Variants in NAP1L1 observed in about 807,000 individuals in gnomAD.
NAP1L1 encodes nucleosome assembly protein 1-like 1.
NAP1L1 carries 9 observed loss-of-function variants against 58.9 expected under a neutral mutation model. The ratio of observed to expected loss-of-function variants is 0.15; its 90% CI spans 0.09 to 0.27. The LOEUF is 0.27. NAP1L1 is among the 10% of genes least tolerant of loss of function. The pLI is 1.00. For synonymous variants in NAP1L1, 130 were observed against 138.3 expected, an observed-to-expected ratio of 0.94 and a Z score of 0.42; for missense variants, 302 against 458.8, an observed-to-expected ratio of 0.66 and a Z score of 3.12.
At chr12:76,054,000 T>C (rs1948958339) in intron 8 of NAP1L1, 91 bp from the exon 9 acceptor site, 2 of 1,290,462 alleles carry the variant, frequency 1.5e-6, no homozygotes, top group Non-Finnish European at 1.0e-6. Context: ...TTTATAAATA[T>C]TCTAAATGAT....
At chr12:76,078,442 C>T (rs906060491) in intron 1 of NAP1L1, among the ~76,000 whole-genome samples, 10 of 152,074 alleles carry the variant, frequency 6.6e-5, no homozygotes, top group Admixed American at 3.9e-4. Flanking sequence ...AAAATTCATA[C>T]AAGTAATTTT....
chr12:76,053,326 T>C lies in NAP1L1; in HGVS notation c.795A>G (p.Gly265=). 1 of 1,613,856 alleles carries C rather than the reference T, an allele frequency of 6.2e-7. No individual in the cohort carries two copies. Among genetic ancestry groups the C allele is most frequent in the East Asian group, 2.2e-5 (1 of 44,844 alleles). Residue 265 remains glycine, a synonymous_variant, in exon 10 of 15, where the codon GGA becomes GGG. Coordinates refer to ENST00000618691, the MANE Select transcript of NAP1L1 (RefSeq NM_004537.7). ...CTGCQIDWKK[G]KNVTLKTIKK... ...TAATAGTTTTCAAAGTGACATTCTTTCCTTTTTTCCAATCTATCTGGCACC... is the reference window on the plus strand; with the variant it reads ...TAATAGTTTTCAAAGTGACATTCTTCCCTTTTTTCCAATCTATCTGGCACC...
chr12:76,063,586 T>C (rs1157535521), intron 4 of NAP1L1, among the ~76,000 whole-genome samples: 1 of 152,090 alleles, frequency 6.6e-6, no homozygotes, highest in African/African-American at 2.4e-5. Context: ...TCACTTTAAC[T>C]CGGGAGTTCG....
chr12:76,056,765 C>T (rs1949116907), intron 6 of NAP1L1: 3 of 393,012 alleles, frequency 7.6e-6, no homozygotes, highest in South Asian at 5.7e-5. Flanking sequence ...GTAATCCCAG[C>T]ACTTTGGGAA....
At chr12:76,050,432 T>C in intron 12 of NAP1L1, 99 bp downstream of exon 12, 1 of 1,407,662 alleles carries the variant, frequency 7.1e-7, no homozygotes, top group African/African-American at 1.4e-5. Context: ...TTTTGAATTA[T>C]ATTATGTCCT....
intron 11 of NAP1L1, 32 bp from the exon 12 acceptor site, chr12:76,050,685 T>C (rs1023426701): frequency 6.3e-7 from 1 of 1,590,180 alleles, no homozygotes; most frequent in African/African-American, 1.4e-5. Context: ...AGCAGAAAAT[T>C]TAGGAATAAC....
intron 1 of NAP1L1, among the ~76,000 whole-genome samples, chr12:76,084,322 G>A (rs1255618492): frequency 1.3e-5 from 2 of 152,092 alleles, no homozygotes; most frequent in Non-Finnish European, 2.9e-5. Flanking sequence ...TCCAGGCCGC[G>A]CCAACCCCTA....
intron 11 of NAP1L1, 55 bp downstream of exon 11, chr12:76,053,036 G>T: frequency 6.6e-7 from 1 of 1,517,082 alleles, no homozygotes; most frequent in Admixed American, 1.8e-5. Context: ...GAAATTCAGT[G>T]CTTTAATTTC....
In NAP1L1 at chr12:76,038,590, A is replaced by C. The variant is rs1439000019; in HGVS notation, c.*9839T>G. ...GGTGGTAGTGGTGTTACTTTAGAAG[A>C]ACAACTCAGGCTTCAGAGAGGGTAA... On this transcript the variant is annotated 3_prime_UTR_variant, in exon 15 of 15. Transcript: ENST00000618691. The C allele has an allele frequency of 6.6e-6, 1 of 152,232 alleles. No individual in the cohort carries two copies. The highest frequency in any genetic ancestry group is 1.5e-5 in the Non-Finnish European group (1 of 68,044). The allele number at this position is 152,232 out of a possible 1,614,324, so 9.4% of individuals were successfully genotyped here.
At chr12:76,052,960 A>G in intron 11 of NAP1L1, 131 bp downstream of exon 11, 1 of 694,146 alleles carries the variant, frequency 1.4e-6, no homozygotes, top group Non-Finnish European at 2.3e-6. Context: ...TTCATATCCA[A>G]AAAGTCTGCC....
intron 7 of NAP1L1, among the ~76,000 whole-genome samples, chr12:76,055,770 A>G (rs1949057822): frequency 6.6e-6 from 1 of 152,224 alleles, no homozygotes; most frequent in Non-Finnish European, 1.5e-5. Flanking sequence ...ATGTAAAGAC[A>G]AAAGGCACAG....
chr12:76,076,695 G>T (rs928998018), intron 1 of NAP1L1, among the ~76,000 whole-genome samples: 1 of 151,368 alleles, frequency 6.6e-6, no homozygotes, highest in African/African-American at 2.4e-5. Flanking sequence ...AGGGACTGGG[G>T]GTAATGAGAA....
intron 2 of NAP1L1, among the ~76,000 whole-genome samples, chr12:76,070,676 A>G (rs1381903426): frequency 6.6e-6 from 1 of 152,186 alleles, no homozygotes; most frequent in African/African-American, 2.4e-5. Context: ...ACATCAGCAG[A>G]GTTGAGTACA....
At chr12:76,065,210 GA>G (rs1949605959) in intron 4 of NAP1L1, among the ~76,000 whole-genome samples, 1 of 151,140 alleles carries the variant, frequency 6.6e-6, no homozygotes, top group Admixed American at 6.6e-5. Context: ...ATACTGAAGG[GA>G]AAAGTTCAAT....
At chr12:76,062,923 T>C (rs1949484481) in intron 4 of NAP1L1, among the ~76,000 whole-genome samples, 1 of 151,974 alleles carries the variant, frequency 6.6e-6, no homozygotes. Context: ...AAGAATAACC[T>C]ACAAAGAAAA....
At chr12:76,049,447 C>A (rs773771749) in intron 13 of NAP1L1, 197 bp from the exon 14 acceptor site, 4 of 1,535,504 alleles carry the variant, frequency 2.6e-6, no homozygotes, top group African/African-American at 1.4e-5. Context: ...ATCCAGACAG[C>A]TTTTATTGAA....
intron 6 of NAP1L1, chr12:76,057,659 T>G (rs1949179528): frequency 7.0e-7 from 1 of 1,425,128 alleles, no homozygotes; most frequent in African/African-American, 1.7e-5. Flanking sequence ...TCATTACCAA[T>G]AGAGTACTGT....
At chr12:76,064,782 A>G (rs1949586844) in intron 4 of NAP1L1, among the ~76,000 whole-genome samples, 1 of 151,930 alleles carries the variant, frequency 6.6e-6, no homozygotes, top group South Asian at 2.1e-4. Flanking sequence ...ACTTGAATAA[A>G]TTAGTATGTT....
At position 76,053,736 on chromosome 12, in the gene NAP1L1, A is replaced by C. The variant is rs113359710; in HGVS notation, c.770+34T>G. The C allele has an allele frequency of 7.8e-4, 1,248 of 1,595,500 alleles. 1 individual carries two copies. The highest frequency in any genetic ancestry group is 1.1e-3 in the South Asian group (100 of 87,412). ...AAATCAAGTATAACAAAAACAGAAA[A>C]AACATTTTGTTAAGGTAGTAAAATT... On this transcript the variant is annotated intron_variant, in intron 9 of 14. Coordinates refer to ENST00000618691, the MANE Select transcript of NAP1L1 (RefSeq NM_004537.7).
Sources: gnomAD v4.1 joint callset for allele counts (sites outside exome capture counted in the v4.1 genomes callset) on GRCh38, gnomAD v4.1.1 for gene constraint, MANE v1.5 for transcripts, NCBI Gene and HGNC (gene_info 2026-07-23, HGNC 2026-07-21) for gene names.